Variants in SLC39A11 observed in about 807,000 individuals in gnomAD.
SLC39A11 encodes the protein zinc transporter ZIP11.
A neutral mutation model predicts 36.1 loss-of-function variants in SLC39A11; 33 were observed. That is an observed-to-expected ratio of 0.91 (90% CI 0.69 to 1.22). The LOEUF (loss-of-function observed/expected upper bound fraction) is 1.22, where lower values mean the gene tolerates loss of function less well. Ranked by LOEUF, SLC39A11 falls within the 50% of genes most tolerant of loss-of-function variation. The pLI is 0.00. For synonymous variants in SLC39A11, 166 were observed against 170.3 expected (o/e 0.97, Z 0.20); for missense variants, 432 against 430.3 (o/e 1.00, Z -0.03).
intron 3 of SLC39A11, among the ~76,000 whole-genome samples, chr17:73,072,970 A>C (rs1481945799): frequency 6.6e-6 from 1 of 152,220 alleles, no homozygotes; most frequent in Admixed American, 6.5e-5. Flanking sequence ...ACTTGTGGTC[A>C]GGAGTTCAAG....
At chr17:73,078,543 A>G (rs371959198) in intron 3 of SLC39A11, among the ~76,000 whole-genome samples, 87 of 151,640 alleles carry the variant, frequency 5.7e-4, no homozygotes, top group African/African-American at 1.9e-3. Context: ...CTGGAGTGCA[A>G]TGGCGCAATC....
chr17:72,796,889 G>C (rs1376594292), intron 6 of SLC39A11, among the ~76,000 whole-genome samples: 2 of 152,122 alleles, frequency 1.3e-5, no homozygotes, highest in African/African-American at 4.8e-5. Context: ...AGTTACCTGT[G>C]GGCATAACAC....
At chr17:72,949,336 T>C (rs922958894) in intron 4 of SLC39A11, among the ~76,000 whole-genome samples, 57 of 151,556 alleles carry the variant, frequency 3.8e-4, no homozygotes, top group African/African-American at 1.4e-3. Context: ...AATCTTTGTG[T>C]TTTTAGTGGA....
chr17:73,014,208 T>C (rs1265382537), intron 4 of SLC39A11, among the ~76,000 whole-genome samples: 1 of 152,176 alleles, frequency 6.6e-6, no homozygotes, highest in Non-Finnish European at 1.5e-5. Flanking sequence ...TACCCCGTCC[T>C]GAAGTCCTTT....
intron 5 of SLC39A11, among the ~76,000 whole-genome samples, chr17:72,932,963 C>G (rs1008949164): frequency 6.6e-6 from 1 of 152,126 alleles, no homozygotes. Flanking sequence ...GTTCATCTAC[C>G]GAAAACCTAC....
intron 7 of SLC39A11, among the ~76,000 whole-genome samples, chr17:72,716,606 T>C (rs1156616339): frequency 6.6e-6 from 1 of 150,596 alleles, no homozygotes; most frequent in Non-Finnish European, 1.5e-5. Flanking sequence ...ACTCCTGAAA[T>C]AAAAAATAGA....
chr17:72,821,973 C>T (rs1750066333), intron 6 of SLC39A11: 1 of 151,346 alleles, frequency 6.6e-6, no homozygotes, highest in Non-Finnish European at 1.5e-5. Flanking sequence ...ACTGAGGGTC[C>T]AAACAGGTCC....
intron 6 of SLC39A11, among the ~76,000 whole-genome samples, chr17:72,803,149 T>C (rs1015117523): frequency 5.3e-5 from 8 of 152,244 alleles, no homozygotes; most frequent in African/African-American, 1.7e-4. Context: ...TTAAACCCCA[T>C]GGATGCGCGC....
intron 7 of SLC39A11, among the ~76,000 whole-genome samples, chr17:72,723,286 T>A (rs1254556637): frequency 2.0e-5 from 3 of 151,116 alleles, no homozygotes; most frequent in Admixed American, 6.6e-5. Context: ...TTAAAATCCC[T>A]CCCAGGATTT....
intron 5 of SLC39A11, among the ~76,000 whole-genome samples, chr17:72,864,591 G>A (rs186446463): frequency 1.5e-4 from 23 of 152,220 alleles, no homozygotes; most frequent in Admixed American, 1.4e-3. Flanking sequence ...TCTTGGGGTC[G>A]ATCCTAGCCA....
chr17:72,960,921 T>A (rs1441797637), intron 4 of SLC39A11, among the ~76,000 whole-genome samples: 1 of 152,232 alleles, frequency 6.6e-6, no homozygotes, highest in East Asian at 1.9e-4. Context: ...AAAGAGATCT[T>A]TATCTCAGCA....
chr17:72,717,873 G>A lies in SLC39A11; in HGVS notation c.671+18777C>T, dbSNP rs1352512722. ...CTGTCTAGGAGGTGAGGCTGGAGAA[G>A]TGAGTCATGACCGCAAGGCCACCAG... On this transcript the variant is annotated intron_variant, in intron 7 of 9. Transcript: ENST00000255559. Among the ~76,000 whole-genome samples, 3 of 152,204 alleles carry A rather than the reference G, an allele frequency of 2.0e-5. No homozygotes were observed. The East Asian group carries it at 5.8e-4, about 29-fold the overall frequency.
chr17:72,970,499 G>A (rs935846817), intron 4 of SLC39A11, among the ~76,000 whole-genome samples: 12 of 152,218 alleles, frequency 7.9e-5, no homozygotes, highest in Non-Finnish European at 1.8e-4. Context: ...TTGCCAGAGA[G>A]GCAGGGAAGC....
At chr17:72,962,240 T>C (rs758140420) in intron 4 of SLC39A11, among the ~76,000 whole-genome samples, 3 of 152,182 alleles carry the variant, frequency 2.0e-5, no homozygotes, top group Non-Finnish European at 2.9e-5. Context: ...CATGAAGAAT[T>C]ACCACAAGTC....
At chr17:72,783,757 G>A (rs1342528518) in intron 6 of SLC39A11, among the ~76,000 whole-genome samples, 2 of 152,160 alleles carry the variant, frequency 1.3e-5, no homozygotes, top group African/African-American at 2.4e-5. Flanking sequence ...CAAAGGTGAG[G>A]GAACGGGAAT....
intron 7 of SLC39A11, among the ~76,000 whole-genome samples, chr17:72,684,535 C>T (rs1179900508): frequency 6.6e-6 from 1 of 152,178 alleles, no homozygotes; most frequent in Non-Finnish European, 1.5e-5. Flanking sequence ...CCTCTAGACC[C>T]CAAGAAGCAA....
intron 4 of SLC39A11, among the ~76,000 whole-genome samples, chr17:72,965,462 A>C (rs76454524): frequency 0.043 from 6,613 of 152,240 alleles, 161 homozygotes; most frequent in Non-Finnish European, 0.057. Flanking sequence ...CGGTTTCTCA[A>C]TTTCAGTACA....
rs1287295758 is a variant in SLC39A11, at chr17:72,646,829, T to C, written c.*755A>G. 1 of 152,444 alleles carries C rather than the reference T, an allele frequency of 6.6e-6. No homozygotes were observed. The highest frequency in any genetic ancestry group is 1.5e-5 in the Non-Finnish European group (1 of 68,040). The allele number at this position is 152,444 out of a possible 1,614,324, so 9.4% of individuals were successfully genotyped here. A position where few individuals can be genotyped will look rare whatever the true frequency, so the allele number is the denominator to read the frequency against. On this transcript the variant is annotated 3_prime_UTR_variant, in exon 10 of 10. Transcript: ENST00000255559. ...CAAATGGCCTTGCTCCTGGAATCCA[T>C]TGACAGCAGAGGCCTCCGAACAAAC...
intron 3 of SLC39A11, among the ~76,000 whole-genome samples, chr17:73,083,253 T>C (rs2060607563): frequency 6.6e-6 from 1 of 152,060 alleles, no homozygotes; most frequent in African/African-American, 2.4e-5. Flanking sequence ...GCACAGCAGT[T>C]ATAGGGAAGA....
Sources: gnomAD v4.1 joint callset for allele counts (sites outside exome capture counted in the v4.1 genomes callset) on GRCh38, gnomAD v4.1.1 for gene constraint, MANE v1.5 for transcripts, NCBI Gene and HGNC (gene_info 2026-07-23, HGNC 2026-07-21) for gene names.